Variants in FHIT observed in about 807,000 individuals in gnomAD.
The protein encoded by FHIT is fragile histidine triad diadenosine triphosphatase.
A neutral mutation model predicts 17.9 loss-of-function variants in FHIT; 19 were observed. That is an observed-to-expected ratio of 1.06 (90% CI 0.74 to 1.56). The LOEUF (loss-of-function observed/expected upper bound fraction) is 1.56. Among genes scored for constraint, FHIT ranks in the 40% most tolerant of loss-of-function variants. The pLI is 0.00. For missense variants in FHIT, 248 were observed against 189.2 expected, an observed-to-expected ratio of 1.31 and a Z score of -1.82; for synonymous variants, 81 against 69.7, an observed-to-expected ratio of 1.16 and a Z score of -0.81.
At chr3:60,903,262 T>C (rs1553763661) in intron 3 of FHIT, among the ~76,000 whole-genome samples, 1 of 152,230 alleles carries the variant, frequency 6.6e-6, no homozygotes, top group African/African-American at 2.4e-5. Context: ...TAAGGATCAA[T>C]GAACAATAAT....
intron 4 of FHIT, among the ~76,000 whole-genome samples, chr3:60,554,022 G>A (rs2036657568): frequency 6.6e-6 from 1 of 152,108 alleles, no homozygotes. Context: ...AGTGGGCAGA[G>A]GTTGCAGTGA....
rs1345929343 is a variant in FHIT at position 60,664,841 on chromosome 3, T to C, written c.-17-127862A>G. On this transcript the variant is annotated intron_variant, in intron 4 of 9. Coordinates refer to ENST00000492590, the MANE Select transcript of FHIT (RefSeq NM_002012.4). ...GTATTTATATTTCCTATTTCCTTCC[T>C]GGTATTGGTAATTTTGTTATTGTCA... Among the ~76,000 whole-genome samples the C allele has an allele frequency of 1.1e-4, 16 of 151,888 alleles. No homozygotes were observed. In the South Asian group the frequency reaches 1.9e-3, roughly 18 times the overall value.
chr3:61,108,350 C>T (rs1292344525), intron 2 of FHIT, among the ~76,000 whole-genome samples: 1 of 152,186 alleles, frequency 6.6e-6, no homozygotes, highest in Non-Finnish European at 1.5e-5. Flanking sequence ...ATTATTCATT[C>T]AACATTCACT....
At chr3:59,773,003 T>C (rs2106840586) in intron 8 of FHIT, among the ~76,000 whole-genome samples, 1 of 152,376 alleles carries the variant, frequency 6.6e-6, no homozygotes, top group East Asian at 1.9e-4. Flanking sequence ...AAAGCTCATA[T>C]GTACCACAAG....
chr3:59,999,392 A>G (rs1360413349), intron 7 of FHIT, among the ~76,000 whole-genome samples: 1 of 152,156 alleles, frequency 6.6e-6, no homozygotes, highest in Admixed American at 6.6e-5. Flanking sequence ...ATTGGAAGTT[A>G]AGCTCTTCTA....
intron 7 of FHIT, among the ~76,000 whole-genome samples, chr3:59,951,908 G>A (rs986809044): frequency 4.3e-4 from 65 of 152,168 alleles, no homozygotes; most frequent in African/African-American, 1.4e-3. Context: ...CAACCACCTT[G>A]GCTCAATAGT....
intron 7 of FHIT, among the ~76,000 whole-genome samples, chr3:59,971,708 A>C (rs1158311945): frequency 2.0e-5 from 3 of 152,112 alleles, no homozygotes; most frequent in Admixed American, 6.6e-5. Context: ...GCTCAGGAAG[A>C]CTGAAGTCCA....
At chr3:60,695,026 C>A (rs189375977) in intron 4 of FHIT, among the ~76,000 whole-genome samples, 2 of 151,902 alleles carry the variant, frequency 1.3e-5, no homozygotes, top group African/African-American at 4.8e-5. Flanking sequence ...CAAACCTGCA[C>A]GTTGTGCACA....
intron 5 of FHIT, among the ~76,000 whole-genome samples, chr3:60,023,344 T>G (rs1254713795): frequency 6.6e-6 from 1 of 152,186 alleles, no homozygotes; most frequent in Non-Finnish European, 1.5e-5. Context: ...CCTCACCATA[T>G]ACACAGTTTC....
chr3:59,943,989 T>C (rs1208570439), intron 7 of FHIT, among the ~76,000 whole-genome samples: 2 of 152,204 alleles, frequency 1.3e-5, no homozygotes, highest in East Asian at 3.8e-4. Flanking sequence ...TAATAATACA[T>C]TACATAAAAT....
chr3:60,336,687 T>C (rs1710256097), intron 5 of FHIT, among the ~76,000 whole-genome samples: 1 of 152,192 alleles, frequency 6.6e-6, no homozygotes, highest in African/African-American at 2.4e-5. Flanking sequence ...ATGTGGCTAC[T>C]GGCATAGTAG....
At chr3:60,576,895 G>A (rs1271534151) in intron 4 of FHIT, among the ~76,000 whole-genome samples, 3 of 150,750 alleles carry the variant, frequency 2.0e-5, no homozygotes, top group Non-Finnish European at 4.4e-5. Context: ...AAATCCACAT[G>A]CTTCTCATTT....
intron 8 of FHIT, among the ~76,000 whole-genome samples, chr3:59,770,214 C>T (rs965709038): frequency 5.9e-5 from 9 of 152,138 alleles, no homozygotes; most frequent in Non-Finnish European, 1.0e-4. Context: ...ACTATCTCAT[C>T]GAATCGTCCT....
rs151320639 is a variant in FHIT, at chr3:61,147,164, G to C, written c.-164+53453C>G. On this transcript the variant is annotated intron_variant, in intron 2 of 9. Transcript: ENST00000492590. ...GTATTGTTCCTGAAGGTTATTTAAG[G>C]GTACACCCAGTGTGTCTAAAATACA... 1.5e-4 allele frequency among the ~76,000 whole-genome samples: 23 copies of C among 151,956 alleles called. No individual in the cohort carries two copies. In the East Asian group the frequency reaches 4.4e-3, roughly 29 times the overall value.
chr3:59,764,088 A>G (rs1467942171), intron 8 of FHIT, among the ~76,000 whole-genome samples: 2 of 152,214 alleles, frequency 1.3e-5, no homozygotes, highest in East Asian at 1.9e-4. Flanking sequence ...AACATGGGCA[A>G]TGACACTTTG....
chr3:60,106,212 G>C (rs946914147), intron 5 of FHIT, among the ~76,000 whole-genome samples: 1 of 152,150 alleles, frequency 6.6e-6, no homozygotes, highest in African/African-American at 2.4e-5. Context: ...CTTAACGATA[G>C]CCCCACAGAA....
chr3:59,864,822 A>G (rs1028704636), intron 8 of FHIT, among the ~76,000 whole-genome samples: 2 of 146,860 alleles, frequency 1.4e-5, no homozygotes, highest in South Asian at 2.2e-4. Context: ...AATTATATGA[A>G]AGAGAGAGAG....
chr3:59,817,043 G>A, intron 8 of FHIT, among the ~76,000 whole-genome samples: 1 of 152,184 alleles, frequency 6.6e-6, no homozygotes, highest in East Asian at 1.9e-4. Context: ...AGAAGCAGAT[G>A]GAGCTAACTC....
At chr3:60,545,249 A>G (rs1182823854) in intron 4 of FHIT, among the ~76,000 whole-genome samples, 1 of 152,022 alleles carries the variant, frequency 6.6e-6, no homozygotes, top group East Asian at 1.9e-4. Flanking sequence ...GTACATGGAG[A>G]TGTTTTTTCT....
Sources: gnomAD v4.1 joint callset for allele counts (sites outside exome capture counted in the v4.1 genomes callset) on GRCh38, gnomAD v4.1.1 for gene constraint, MANE v1.5 for transcripts, NCBI Gene and HGNC (gene_info 2026-07-23, HGNC 2026-07-21) for gene names.